PDE10A: variants seen among roughly 807,000 people sequenced by gnomAD.
PDE10A encodes the protein phosphodiesterase 10A.
Under a neutral mutation model 97.7 loss-of-function variants are expected in PDE10A, and 39 were observed. That is an observed-to-expected ratio of 0.40 (90% CI 0.31 to 0.52). The LOEUF (loss-of-function observed/expected upper bound fraction) is 0.52. Among genes scored for constraint, PDE10A ranks in the 20% least tolerant of loss-of-function variants. The probability of loss-of-function intolerance (pLI) is 0.56; values close to 1 mark genes in which losing one functional copy is unlikely to be tolerated. For missense variants in PDE10A, 731 were observed against 1,047.8 expected, an observed-to-expected ratio of 0.70 and a Z score of 4.17; for synonymous variants, 371 against 376.8, an observed-to-expected ratio of 0.98 and a Z score of 0.18.
intron 18 of PDE10A, among the ~76,000 whole-genome samples, chr6:165,365,483 C>T (rs1398082858): frequency 1.3e-5 from 2 of 152,122 alleles, no homozygotes; most frequent in African/African-American, 4.8e-5. Context: ...ATCATTTGAG[C>T]CCTGGAGTTC....
intron 1 of PDE10A, among the ~76,000 whole-genome samples, chr6:165,621,869 T>C (rs1788155977): frequency 6.6e-6 from 1 of 152,164 alleles, no homozygotes; most frequent in South Asian, 2.1e-4. Context: ...GCCTTCTCAC[T>C]GTGATGGTTA....
intron 1 of PDE10A, among the ~76,000 whole-genome samples, chr6:165,842,246 G>C (rs985962955): frequency 6.6e-6 from 1 of 152,028 alleles, no homozygotes; most frequent in East Asian, 1.9e-4. Flanking sequence ...CCAGACAAAA[G>C]CCGGGTAATT....
chr6:165,745,108 A>C lies in PDE10A; in HGVS notation c.-614-201540T>G, dbSNP rs185305167. ...ATTTGCTTTTACTTAGATACTAGCA[A>C]ATTCAAGCATTTTTACAAATTATGG... On this transcript the variant is annotated intron_variant, in intron 1 of 19. Transcript: ENST00000366882. Among the ~76,000 whole-genome samples, 61 of 152,330 alleles carry C rather than the reference A, an allele frequency of 4.0e-4. 1 individual carries two copies. The highest frequency in any genetic ancestry group is 3.7e-3 in the Admixed American group (56 of 15,300).
In PDE10A at chr6:165,542,612, C is replaced by CTTTTTTTTTTTTTTTTTTTTTTTTT. The variant is rs545149187; in HGVS notation, c.994+803_994+827dup. ...TTTAGGTCAAAAAGATGTCCTTGTT[C>CTTTTTTTTTTTTTTTTTTTTTTTTT]TTTTTTTTTTTTTTTTTTTTTTTTT... On this transcript the variant is annotated intron_variant, in intron 2 of 21. Transcript: ENST00000539869. Among the ~76,000 whole-genome samples, 31 of 76,456 alleles carry CTTTTTTTTTTTTTTTTTTTTTTTTT rather than the reference C, an allele frequency of 4.1e-4. 3 individuals are homozygous for CTTTTTTTTTTTTTTTTTTTTTTTTT. In the East Asian group the frequency reaches 4.5e-3, roughly 11 times the overall value. The allele number at this position is 76,456 out of a possible 152,430, so 50.2% of individuals were successfully genotyped here. A position where few individuals can be genotyped will look rare whatever the true frequency, so the allele number is the denominator to read the frequency against.
chr6:165,842,076 C>T (rs536901315), intron 1 of PDE10A, among the ~76,000 whole-genome samples: 17 of 152,254 alleles, frequency 1.1e-4, no homozygotes, highest in African/African-American at 4.1e-4. Context: ...CCTAACCAGG[C>T]GAATTGTGTA....
intron 1 of PDE10A, among the ~76,000 whole-genome samples, chr6:165,924,141 C>T (rs546217508): frequency 2.0e-5 from 3 of 152,224 alleles, no homozygotes; most frequent in East Asian, 1.9e-4. Flanking sequence ...TCGTTGTTTC[C>T]GTGTTGGATA....
Position 165,418,700 on chromosome 6 carries a change from T to A in PDE10A, c.1731A>T (p.Ser577=), listed in dbSNP as rs1401721170. The A allele has an allele frequency of 1.2e-6, 2 of 1,613,658 alleles. No individual in the cohort carries two copies. Among genetic ancestry groups the A allele is most frequent in the South Asian group, 1.1e-5 (1 of 91,082 alleles). ...TTTCCTCTCCAATATCAAAAAGGTC[T>A]GAATATAACTCCTTGTTCTTATGGT... ...QVDHKNKELY[S]DLFDIGEEKE... The change falls in exon 11 of 22, where the codon TCA becomes TCT. Residue 577 remains serine, a synonymous_variant. Coordinates refer to ENST00000539869, the MANE Select transcript of PDE10A (RefSeq NM_001385079.1). The surrounding 1 kb of genome is among the most constrained non-coding windows in gnomAD (Gnocchi z 4.8).
chr6:165,939,415 A>G (rs903434793), intron 1 of PDE10A: 2 of 152,226 alleles, frequency 1.3e-5, no homozygotes, highest in Admixed American at 6.5e-5. Flanking sequence ...TCTAAATACA[A>G]TTTTATAAAG....
intron 3 of PDE10A, among the ~76,000 whole-genome samples, chr6:165,462,894 T>G (rs182236906): frequency 6.6e-6 from 1 of 152,224 alleles, no homozygotes; most frequent in East Asian, 1.9e-4. Context: ...CAGTTACACA[T>G]GCTTTCTGAT....
upstream of PDE10A, among the ~76,000 whole-genome samples, chr6:165,664,019 A>G (rs1790428122): frequency 6.6e-6 from 1 of 152,174 alleles, no homozygotes; most frequent in African/African-American, 2.4e-5. Context: ...CGGCGGGGCC[A>G]CCATGGCGCG....
intron 1 of PDE10A, among the ~76,000 whole-genome samples, chr6:165,704,143 G>A (rs1791648297): frequency 6.6e-6 from 1 of 152,192 alleles, no homozygotes; most frequent in Admixed American, 6.5e-5. Context: ...ACTGGCTCAA[G>A]TTCTCAGGCT....
chr6:165,647,267 C>T (rs1789447778), intron 1 of PDE10A, among the ~76,000 whole-genome samples: 1 of 152,192 alleles, frequency 6.6e-6, no homozygotes, highest in East Asian at 1.9e-4. Context: ...GTGTCCTGGA[C>T]AGGCTCCAGG....
chr6:165,610,489 C>A (rs1254745469), intron 1 of PDE10A, among the ~76,000 whole-genome samples: 1 of 150,726 alleles, frequency 6.6e-6, no homozygotes, highest in Non-Finnish European at 1.5e-5. Context: ...TGAGATCGCG[C>A]CACTGCACTC....
rs145310545 is a variant in PDE10A at position 165,637,324 on chromosome 6, G to A, written c.865+24623C>T. Among the ~76,000 whole-genome samples the A allele has an allele frequency of 2.6e-5, 4 of 152,230 alleles. No homozygotes were observed. The East Asian group carries it at 7.7e-4, about 29-fold the overall frequency. On this transcript the variant is annotated intron_variant, in intron 1 of 21. Transcript: ENST00000539869. ...ACCACCTATACCATACTAGGATGTG[G>A]CTTCCAGAATGTGGCCCTGATTCTG...
chr6:165,600,220 A>G (rs1010521640), intron 1 of PDE10A, among the ~76,000 whole-genome samples: 3 of 152,210 alleles, frequency 2.0e-5, no homozygotes, highest in African/African-American at 7.2e-5. Context: ...CTCGTTTTTC[A>G]GGGCTGCATG....
chr6:165,442,596 A>T (rs1447063564), intron 5 of PDE10A, among the ~76,000 whole-genome samples: 2 of 152,130 alleles, frequency 1.3e-5, no homozygotes, highest in African/African-American at 2.4e-5. Flanking sequence ...CTATCATGAG[A>T]AAAGCAATGG....
At chr6:165,668,551 C>A (rs544565567) in intron 1 of PDE10A, among the ~76,000 whole-genome samples, 1 of 149,490 alleles carries the variant, frequency 6.7e-6, no homozygotes, top group African/African-American at 2.6e-5. Context: ...GGGTTCGATG[C>A]AGTTACAGGA....
chr6:165,955,911 A>G (rs2128496516), intron 1 of PDE10A, among the ~76,000 whole-genome samples: 1 of 152,348 alleles, frequency 6.6e-6, no homozygotes, highest in East Asian at 1.9e-4. Flanking sequence ...AAAATTCCTA[A>G]AGCTATACAG....
intron 1 of PDE10A, among the ~76,000 whole-genome samples, chr6:165,927,678 A>ATATATATATATATATATATATATATT (rs1562801740): frequency 8.4e-6 from 1 of 118,520 alleles, no homozygotes; most frequent in Non-Finnish European, 1.7e-5. Context: ...ATATATATAT[A>ATATATATATATATATATATATATATT]GTTTTTTGTT....
Sources: allele counts gnomAD v4.1 joint callset (sites outside exome capture counted in the v4.1 genomes callset), GRCh38; gene constraint gnomAD v4.1.1; non-coding constraint Gnocchi (gnomAD v3.1); transcripts MANE v1.5; gene names NCBI Gene and HGNC (gene_info 2026-07-23, HGNC 2026-07-21).